PRRX2: variants seen among roughly 807,000 people sequenced by gnomAD.
PRRX2 encodes paired mesoderm homeobox protein 2.
Under a neutral mutation model 18.0 loss-of-function variants are expected in PRRX2, and 11 were observed. The observed-to-expected ratio is 0.61, with a 90% confidence interval of 0.39 to 1.01. The LOEUF (loss-of-function observed/expected upper bound fraction) is 1.01, where lower values mean the gene tolerates loss of function less well. PRRX2 is among the 50% of genes least tolerant of loss of function. PRRX2 has a pLI of 0.01. For synonymous variants in PRRX2, 177 were observed against 154.8 expected (o/e 1.14, Z -1.06); for missense variants, 387 against 351.0 (o/e 1.10, Z -0.82).
Position 129,718,739 on chromosome 9 carries a change from T to G in PRRX2, c.260-492T>G, listed in dbSNP as rs1832747356. The G allele has an allele frequency of 2.6e-5, 4 of 152,566 alleles. No individual in the cohort carries two copies. In the South Asian group the frequency reaches 8.3e-4, roughly 32 times the overall value. 9.5% of individuals were successfully genotyped at this position (152,566 alleles called of 1,614,324 possible). ...TCCTAGAATCTGTGGGTCCTGAGCCTTGACTCCCACTGCTCTTTATGACAT... is the reference window on the plus strand; with the variant it reads ...TCCTAGAATCTGTGGGTCCTGAGCCGTGACTCCCACTGCTCTTTATGACAT... On this transcript the variant is annotated intron_variant, in intron 1 of 3. Coordinates refer to ENST00000372469, the MANE Select transcript of PRRX2 (RefSeq NM_016307.4).
At chr9:129,698,423 G>A (rs1832456031) in intron 1 of PRRX2, among the ~76,000 whole-genome samples, 2 of 152,204 alleles carry the variant, frequency 1.3e-5, no homozygotes, top group Non-Finnish European at 2.9e-5. Context: ...GCAGTTCCCC[G>A]AGTTCCCCCT....
intron 1 of PRRX2, chr9:129,712,826 T>C (rs1832645333): frequency 6.6e-6 from 1 of 152,072 alleles, no homozygotes; most frequent in African/African-American, 2.4e-5. Flanking sequence ...CCTTGGAGAG[T>C]GCAGACGCAG....
chr9:129,698,587 CAG>C (rs1008824728), intron 1 of PRRX2, among the ~76,000 whole-genome samples: 31 of 152,254 alleles, frequency 2.0e-4, no homozygotes, highest in Non-Finnish European at 3.4e-4. Flanking sequence ...CACATCAACT[CAG>C]AGACTAATCC....
At position 129,709,525 on chromosome 9, in the gene PRRX2, C is replaced by G. The variant is rs1832595454; in HGVS notation, c.260-9706C>G. Among the ~76,000 whole-genome samples, 1 of 152,220 alleles carries G rather than the reference C, an allele frequency of 6.6e-6. No individual in the cohort carries two copies. The highest frequency in any genetic ancestry group is 1.5e-5 in the Non-Finnish European group (1 of 68,024). On this transcript the variant is annotated intron_variant, in intron 1 of 3. Coordinates refer to ENST00000372469, the MANE Select transcript of PRRX2 (RefSeq NM_016307.4). This position sits in a 1 kb window ranked among gnomAD's most constrained non-coding sequence, Gnocchi z 4.2. ...CACGGCAGTCCCAGGTTGGGTGGCC[C>G]ATGCCTCTCGCTCTTGTGTGCTGTG...
intron 1 of PRRX2, among the ~76,000 whole-genome samples, chr9:129,680,858 T>TACC (rs1832219457): frequency 6.6e-6 from 1 of 152,248 alleles, no homozygotes; most frequent in Non-Finnish European, 1.5e-5. Context: ...CATCTTGCTT[T>TACC]ATTTTCCACA....
At chr9:129,666,928 G>T (rs1177740879) in intron 1 of PRRX2, among the ~76,000 whole-genome samples, 2 of 152,214 alleles carry the variant, frequency 1.3e-5, no homozygotes, top group Non-Finnish European at 2.9e-5. Context: ...CCTGCTGGGG[G>T]CTCTGGGCCC....
chr9:129,722,148 G>T, intron 3 of PRRX2, 69 bp from the exon 4 acceptor site: 2 of 1,562,528 alleles, frequency 1.3e-6, no homozygotes, highest in Middle Eastern at 2.0e-4. Flanking sequence ...AGGACCAGAG[G>T]CTGGGGTCGA....
chr9:129,676,444 A>G (rs1158584840), intron 1 of PRRX2, among the ~76,000 whole-genome samples: 24 of 151,850 alleles, frequency 1.6e-4, no homozygotes, highest in Admixed American at 1.6e-3. Context: ...CAGTGCTCAG[A>G]AGAAAGAGTA....
intron 1 of PRRX2, among the ~76,000 whole-genome samples, chr9:129,670,302 C>T (rs937988905): frequency 6.6e-6 from 1 of 151,870 alleles, no homozygotes; most frequent in Non-Finnish European, 1.5e-5. Flanking sequence ...GTATACAAGT[C>T]CCTGCTTTTA....
At chr9:129,716,200 T>C (rs1832704996) in intron 1 of PRRX2, among the ~76,000 whole-genome samples, 1 of 152,122 alleles carries the variant, frequency 6.6e-6, no homozygotes, top group African/African-American at 2.4e-5. Context: ...GTCCTAAATA[T>C]ACACTGGCAA....
chr9:129,690,550 A>C (rs1042949283), intron 1 of PRRX2, among the ~76,000 whole-genome samples: 21 of 144,702 alleles, frequency 1.5e-4, no homozygotes, highest in African/African-American at 4.9e-4. Context: ...TCTGTCACCC[A>C]GGCTGGAGTG....
intron 1 of PRRX2, 56 bp downstream of exon 1, chr9:129,666,182 G>C: frequency 1.0e-6 from 1 of 990,630 alleles, no homozygotes; most frequent in Non-Finnish European, 1.2e-6. Flanking sequence ...GGCCGGGGCC[G>C]GGGCGCGGGG....
At chr9:129,690,776 G>A (rs929258885) in intron 1 of PRRX2, among the ~76,000 whole-genome samples, 6 of 151,700 alleles carry the variant, frequency 4.0e-5, no homozygotes, top group Non-Finnish European at 5.9e-5. Context: ...AAAGTGCTGG[G>A]ATTACAGGCA....
At chr9:129,707,190 A>G (rs777476606) in intron 1 of PRRX2, among the ~76,000 whole-genome samples, 2 of 152,146 alleles carry the variant, frequency 1.3e-5, no homozygotes, top group Non-Finnish European at 2.9e-5. Flanking sequence ...CAGGAGGCAG[A>G]GGTTGCAGTG....
chr9:129,666,156 G>A (rs1351941232), intron 1 of PRRX2, 30 bp downstream of exon 1: 2 of 923,938 alleles, frequency 2.2e-6, no homozygotes, highest in Non-Finnish European at 2.6e-6. Context: ...GACGGGGGTG[G>A]CGGGGCCGGG....
chr9:129,666,097 G>A lies in PRRX2; in HGVS notation c.230G>A (p.Ser77Asn). 9.7e-7 allele frequency: 1 copy of A among 1,029,718 alleles called. No individual in the cohort carries two copies. Among genetic ancestry groups the A allele is most frequent in the Non-Finnish European group, 1.2e-6 (1 of 861,032 alleles). The allele number at this position is 1,029,718 out of a possible 1,614,324, so 63.8% of individuals were successfully genotyped here. ...GCAGCACGGGAGCCGTCCGGGGGCA[G>A]CAGCGGCAGCGAGGCGGCGCCGCAG... ...EGAAREPSGG[S>N]SGSEAAPQDG... is the part of the protein sequence containing the mutation. Residue 77 changes from serine to asparagine, a missense_variant, in exon 1 of 4, where the codon AGC becomes AAC. Transcript: ENST00000372469.
intron 1 of PRRX2, among the ~76,000 whole-genome samples, chr9:129,704,537 G>C (rs1306681213): frequency 2.0e-5 from 3 of 152,162 alleles, no homozygotes; most frequent in Non-Finnish European, 4.4e-5. Context: ...ATCCTCCCAG[G>C]AAACCCGGGA....
intron 1 of PRRX2, among the ~76,000 whole-genome samples, chr9:129,685,363 CT>C (rs1564147678): frequency 6.6e-6 from 1 of 152,168 alleles, no homozygotes; most frequent in Non-Finnish European, 1.5e-5. Context: ...TGTTCATTTC[CT>C]TTTTTTATTT....
intron 1 of PRRX2, among the ~76,000 whole-genome samples, chr9:129,666,828 C>T (rs1423660104): frequency 6.6e-6 from 1 of 152,194 alleles, no homozygotes. Flanking sequence ...GAGGGGAGGA[C>T]CGGAGTCCTC....
Sources: gnomAD v4.1 joint callset for allele counts (sites outside exome capture counted in the v4.1 genomes callset) on GRCh38, gnomAD v4.1.1 for gene constraint, Gnocchi (gnomAD v3.1) non-coding constraint, MANE v1.5 for transcripts, NCBI Gene and HGNC (gene_info 2026-07-23, HGNC 2026-07-21) for gene names.